Variants in SCRN3 observed in about 807,000 individuals in gnomAD.
The protein encoded by SCRN3 is secernin-3.
In SCRN3, 39 loss-of-function variants were observed where a neutral mutation model predicts 43.1. That is an observed-to-expected ratio of 0.91 (90% CI 0.70 to 1.18). The LOEUF is 1.18. Ranked by LOEUF, SCRN3 falls within the 50% of genes most tolerant of loss-of-function variation. SCRN3 has a pLI of 0.00. For synonymous variants in SCRN3, 147 were observed against 163.1 expected, an observed-to-expected ratio of 0.90 and a Z score of 0.75; for missense variants, 484 against 498.0, an observed-to-expected ratio of 0.97 and a Z score of 0.27.
intron 5 of SCRN3, among the ~76,000 whole-genome samples, chr2:174,415,058 C>T (rs945506614): frequency 3.3e-5 from 5 of 152,182 alleles, no homozygotes; most frequent in African/African-American, 4.8e-5. Context: ...AGCCACTGCA[C>T]CCAGCCAAGC....
intron 4 of SCRN3, among the ~76,000 whole-genome samples, chr2:174,401,560 G>A (rs540300297): frequency 1.6e-4 from 25 of 152,210 alleles, no homozygotes; most frequent in Non-Finnish European, 2.8e-4. Flanking sequence ...GGAAATGGGA[G>A]TGGGGTTAGA....
At chr2:174,402,571 C>T (rs1018579531) in intron 4 of SCRN3, among the ~76,000 whole-genome samples, 4 of 152,080 alleles carry the variant, frequency 2.6e-5, no homozygotes, top group African/African-American at 4.8e-5. Flanking sequence ...ACCTATAGTT[C>T]CAGCTACTCA....
At position 174,428,489 on chromosome 2, in the gene SCRN3, T is replaced by TTATC. The variant is rs910007558; in HGVS notation, c.*597_*600dup. The TTATC allele has an allele frequency of 1.3e-5, 2 of 152,600 alleles. No homozygotes were observed. Among genetic ancestry groups the TTATC allele is most frequent in the Non-Finnish European group, 2.9e-5 (2 of 68,022 alleles). 9.5% of individuals were successfully genotyped at this position (152,600 alleles called of 1,614,324 possible). ...CTAACCAGTGAGCTTGTAGCTCTGA[T>TTATC]TATCTAGCATTTTTAGGGTCATTCT... On this transcript the variant is annotated 3_prime_UTR_variant, in exon 8 of 8. Transcript: ENST00000272732.
rs757011050 is a variant in SCRN3 at position 174,399,873 on chromosome 2, T to G, written c.160-49T>G. 12 of 1,287,646 alleles carry G rather than the reference T, an allele frequency of 9.3e-6. No homozygotes were observed. The South Asian group carries it at 2.7e-4, about 29-fold the overall frequency. 79.8% of individuals were successfully genotyped at this position (1,287,646 alleles called of 1,614,324 possible). ...TTTAAATTCTGGATTTTGATAACTT[T>G]TCTGGTTTTGTGGTTCTTGCTATGA... On this transcript the variant is annotated intron_variant, in intron 2 of 7. Coordinates refer to ENST00000272732, the MANE Select transcript of SCRN3 (RefSeq NM_024583.5).
chr2:174,414,718 T>G (rs1206923948), intron 5 of SCRN3, among the ~76,000 whole-genome samples: 2 of 151,972 alleles, frequency 1.3e-5, no homozygotes, highest in Non-Finnish European at 2.9e-5. Flanking sequence ...ATAACATGCT[T>G]ATAGCTTATT....
chr2:174,396,096 C>A (rs1380067556), intron 1 of SCRN3: 5 of 1,106,594 alleles, frequency 4.5e-6, no homozygotes, highest in Middle Eastern at 3.4e-4. Context: ...AATTCCGGCC[C>A]TAACCGTAGT....
rs771958867 is a variant in SCRN3 at position 174,404,112 on chromosome 2, G to A, written c.551G>A (p.Arg184His). Residue 184 changes from arginine to histidine, a missense_variant, in exon 5 of 8, where the codon CGT becomes CAT. Coordinates refer to ENST00000272732, the MANE Select transcript of SCRN3 (RefSeq NM_024583.5). ...TCTTCTTTGAAAATAGAGGGAGTTC[G>A]TAATATTTCTAATCAACTTTCCATA... ...WAAEKVQEGV[R>H]NISNQLSITT... 34 of 1,612,584 alleles carry A rather than the reference G, an allele frequency of 2.1e-5. No individual in the cohort carries two copies. Among genetic ancestry groups the A allele is most frequent in the East Asian group, 1.3e-4 (6 of 44,856 alleles).
intron 5 of SCRN3, among the ~76,000 whole-genome samples, chr2:174,408,514 G>A (rs1240161126): frequency 1.3e-5 from 2 of 149,172 alleles, no homozygotes; most frequent in South Asian, 4.3e-4. Context: ...ATGATAGCTG[G>A]TGATTTTGCT....
chr2:174,395,878 C>T (rs1685286687), intron 1 of SCRN3, 61 bp downstream of exon 1: 1 of 1,449,738 alleles, frequency 6.9e-7, no homozygotes, highest in African/African-American at 1.4e-5. Flanking sequence ...GAAGACCCAA[C>T]TGTGGCGCGG....
chr2:174,427,798 AT>A lies in SCRN3; in HGVS notation c.1179del (p.Asp395MetfsTer37). 4 of 1,611,794 alleles carry A rather than the reference AT, an allele frequency of 2.5e-6. No homozygotes were observed. Among genetic ancestry groups the A allele is most frequent in the Non-Finnish European group, 3.4e-6 (4 of 1,178,090 alleles). On this transcript the variant is annotated frameshift_variant, in exon 8 of 8. Transcript: ENST00000272732. LOFTEE classifies it high-confidence loss of function. ...ATGGAATCAATCCTTCAAAACAAGC[AT>A]CTTGATGTGGAGAAAATTGTTAATC... ...REMESILQNK[H>X]LDVEKIVNLF...
intron 5 of SCRN3, among the ~76,000 whole-genome samples, chr2:174,419,163 A>G (rs1484208052): frequency 2.0e-5 from 3 of 151,946 alleles, no homozygotes; most frequent in Non-Finnish European, 4.4e-5. Flanking sequence ...TGGGGGAGAG[A>G]TTCTTGCTTT....
intron 5 of SCRN3, among the ~76,000 whole-genome samples, chr2:174,418,749 G>C (rs1003147268): frequency 6.6e-6 from 1 of 152,142 alleles, no homozygotes; most frequent in African/African-American, 2.4e-5. Flanking sequence ...GGCTCACTAG[G>C]TGTTGAAACT....
chr2:174,420,016 TGA>T, intron 5 of SCRN3, among the ~76,000 whole-genome samples: 1 of 152,114 alleles, frequency 6.6e-6, no homozygotes, highest in Non-Finnish European at 1.5e-5. Flanking sequence ...TCCTGAAGGC[TGA>T]GAGAAGACTC....
intron 2 of SCRN3, 48 bp downstream of exon 2, chr2:174,398,490 A>G (rs10930660): frequency 0.25 from 379,013 of 1,491,742 alleles, 57,003 homozygotes; most frequent in East Asian, 0.68. Flanking sequence ...TAAAAATATC[A>G]TAAAGTTATT....
intron 6 of SCRN3, 129 bp from the exon 7 acceptor site, chr2:174,424,346 G>T: frequency 1.5e-6 from 1 of 677,694 alleles, no homozygotes; most frequent in Non-Finnish European, 2.4e-6. Context: ...TAACTAATGT[G>T]ACAGGAACAA....
intron 5 of SCRN3, among the ~76,000 whole-genome samples, chr2:174,418,777 G>A (rs1686198852): frequency 6.6e-6 from 1 of 152,162 alleles, no homozygotes; most frequent in Non-Finnish European, 1.5e-5. Context: ...TGATATATAG[G>A]TGTGGATGGC....
intron 4 of SCRN3, among the ~76,000 whole-genome samples, chr2:174,402,127 A>G (rs13024021): frequency 0.19 from 29,657 of 152,216 alleles, 3,383 homozygotes; most frequent in Middle Eastern, 0.37. Flanking sequence ...GTTTATTAAT[A>G]TATAACATTG....
In SCRN3 at chr2:174,399,977, G is replaced by T. The variant is rs542985134; in HGVS notation, c.215G>T (p.Arg72Leu). 1.9e-6 allele frequency: 3 copies of T among 1,582,256 alleles called. No homozygotes were observed. Among genetic ancestry groups the T allele is most frequent in the Admixed American group, 1.8e-5 (1 of 54,074 alleles). ...GAAACATATGCTGTTGTCCTGAGTC[G>T]CCCAGCGTGGTTGTGGGGGGCAGAA... Reference protein sequence around the residue: ...VPETYAVVLSRPAWLWGAEMG... With the variant: ...VPETYAVVLSLPAWLWGAEMG... The change falls in exon 3 of 8, where the codon CGC becomes CTC. Residue 72 changes from arginine to leucine, a missense_variant. Coordinates refer to ENST00000272732, the MANE Select transcript of SCRN3 (RefSeq NM_024583.5).
At chr2:174,401,335 G>T (rs756342117) in intron 4 of SCRN3, 146 bp downstream of exon 4, 15 of 641,116 alleles carry the variant, frequency 2.3e-5, no homozygotes, top group Non-Finnish European at 3.6e-5. Flanking sequence ...AAATTTGAAA[G>T]AACAGTGAAA....
Sources: gnomAD v4.1 joint callset for allele counts (sites outside exome capture counted in the v4.1 genomes callset) on GRCh38, gnomAD v4.1.1 for gene constraint, MANE v1.5 for transcripts, NCBI Gene and HGNC (gene_info 2026-07-23, HGNC 2026-07-21) for gene names.